Variants in TLN1 observed in about 807,000 individuals in gnomAD.
The protein encoded by TLN1 is talin 1, also known as talin-1.
A neutral mutation model predicts 292.3 loss-of-function variants in TLN1; 56 were observed. The observed-to-expected ratio is 0.19, with a 90% confidence interval of 0.15 to 0.24. The LOEUF (loss-of-function observed/expected upper bound fraction) is 0.24, where lower values mean the gene tolerates loss of function less well. Among genes scored for constraint, TLN1 ranks in the 10% least tolerant of loss-of-function variants. The pLI, the probability that TLN1 is intolerant of heterozygous loss-of-function variation, is 1.00. For synonymous variants in TLN1, 1,119 were observed against 1,253.7 expected, an observed-to-expected ratio of 0.89 and a Z score of 2.27; for missense variants, 2,433 against 3,248.2, an observed-to-expected ratio of 0.75 and a Z score of 6.10.
At position 35,711,269 on chromosome 9, in the gene TLN1, C is replaced by T. The variant is rs1177478982; in HGVS notation, c.4005G>A (p.Leu1335=). ...DPAAPNLKSQ[L]AAAARAVTDS... ...CAACTACTTACCTGGCAGCTGCAGC[C>T]AGCTGACTCTTGAGGTTAGGGGCAG... Residue 1335 remains leucine (L), a synonymous_variant, in exon 30 of 57, where the codon CTG becomes CTA. Coordinates refer to ENST00000314888, the MANE Select transcript of TLN1 (RefSeq NM_006289.4). 9 of 1,614,160 alleles carry T rather than the reference C, an allele frequency of 5.6e-6. No individual in the cohort carries two copies. Among genetic ancestry groups the T allele is most frequent in the Non-Finnish European group, 7.6e-6 (9 of 1,180,042 alleles).
chr9:35,724,482 G>A lies in TLN1; in HGVS notation c.511+90C>T, dbSNP rs548775752. The stretch of plus-strand genomic sequence containing the variant: ...TGTTTTCTCACTGATGTATCCCCAG[G>A]GTGTAAAACAGTGCCTGGCAGAAGC... On this transcript the variant is annotated intron_variant, in intron 5 of 56. Transcript: ENST00000314888. This position sits in a 1 kb window ranked among gnomAD's most constrained non-coding sequence, Gnocchi z 4.7. The A allele has an allele frequency of 8.3e-6, 13 of 1,564,188 alleles. No individual in the cohort carries two copies. Among genetic ancestry groups the A allele is most frequent in the Middle Eastern group, 1.7e-4 (1 of 5,830 alleles).
chr9:35,703,965 C>T (rs370459836), intron 46 of TLN1, 26 bp downstream of exon 46: 27 of 1,612,310 alleles, frequency 1.7e-5, no homozygotes, highest in African/African-American at 9.3e-5. Flanking sequence ...TGATTCCAGC[C>T]GGAATTAGGG....
At position 35,714,531 on chromosome 9, in the gene TLN1, G is replaced by A. The variant is rs1011741658; in HGVS notation, c.2985+43C>T. 3.1e-6 allele frequency: 5 copies of A among 1,597,504 alleles called. No individual in the cohort carries two copies. The highest frequency in any genetic ancestry group is 4.3e-6 in the Non-Finnish European group (5 of 1,176,296). ...ACTGTGGGAGATGGAAGCTTAGAAA[G>A]GTGGGAAGGTCAGGTCAGAGAAGTG... On this transcript the variant is annotated intron_variant, in intron 23 of 56. Transcript: ENST00000314888. This position sits in a 1 kb window ranked among gnomAD's most constrained non-coding sequence, Gnocchi z 4.6.
chr9:35,704,044 C>T lies in TLN1; in HGVS notation c.6178G>A (p.Asp2060Asn). 1.9e-6 allele frequency: 3 copies of T among 1,613,936 alleles called. No homozygotes were observed. Among genetic ancestry groups the T allele is most frequent in the Non-Finnish European group, 2.5e-6 (3 of 1,179,922 alleles). The stretch of plus-strand genomic sequence containing the variant: ...CTGGCTGCACCCAGCTTGACCACAT[C>T]AGCGAGGCGGGTGATGGTCGCCACG... The part of the protein sequence containing the change: ...SSVATITRLA[D>N]VVKLGAASLG... Residue 2060 changes from aspartate (D) to asparagine (N), a missense_variant, in exon 46 of 57, where the codon GAT (aspartate) becomes AAT (asparagine). Asp to Asn is a conservative substitution (Grantham distance 23, BLOSUM62 1). Transcript: ENST00000314888. This position sits in a 1 kb window ranked among gnomAD's most constrained non-coding sequence, Gnocchi z 6.9.
rs1417288504 is a variant in TLN1, at chr9:35,707,552, T to C, written c.4633-64A>G. ...GTCATAGGGGGTATAGGAAGTGAAG[T>C]CCAGGTCTCCTTCCTGGGACTTACA... On this transcript the variant is annotated intron_variant, in intron 35 of 56. Transcript: ENST00000314888. The surrounding 1 kb of genome is among the most constrained non-coding windows in gnomAD (Gnocchi z 5.6). 37 of 1,592,390 alleles carry C rather than the reference T, an allele frequency of 2.3e-5. No homozygotes were observed. The highest frequency in any genetic ancestry group is 3.1e-5 in the Non-Finnish European group (36 of 1,165,740).
In TLN1 at chr9:35,719,455, C is replaced by T; in HGVS notation, c.1687+64G>A. On this transcript the variant is annotated intron_variant, in intron 15 of 56. Coordinates refer to ENST00000314888, the MANE Select transcript of TLN1 (RefSeq NM_006289.4). This position sits in a 1 kb window ranked among gnomAD's most constrained non-coding sequence, Gnocchi z 4.6. The stretch of plus-strand genomic sequence containing the variant: ...AGTCACACATGAAGCCAGTCACATG[C>T]ATGCCTGTGCACACTTGCACCCCCT... The T allele has an allele frequency of 2.8e-6, 4 of 1,451,828 alleles. No individual in the cohort carries two copies. Among genetic ancestry groups the T allele is most frequent in the Non-Finnish European group, 3.9e-6 (4 of 1,033,536 alleles). The allele number at this position is 1,451,828 out of a possible 1,614,324, so 89.9% of individuals were successfully genotyped here. A position where few individuals can be genotyped will look rare whatever the true frequency, so the allele number is the denominator to read the frequency against.
Position 35,719,315 on chromosome 9 carries a change from G to T in TLN1, c.1688-33C>A. On this transcript the variant is annotated intron_variant, in intron 15 of 56. Transcript: ENST00000314888. This position sits in a 1 kb window ranked among gnomAD's most constrained non-coding sequence, Gnocchi z 4.6. ...GAAAAGGAGAAAGAGGAACATGAGAGACAGGGCAGGCCAGACGAAGGGCTG... is the reference window on the plus strand; with the variant it reads ...GAAAAGGAGAAAGAGGAACATGAGATACAGGGCAGGCCAGACGAAGGGCTG... The T allele has an allele frequency of 6.3e-7, 1 of 1,597,446 alleles. No individual in the cohort carries two copies. The highest frequency in any genetic ancestry group is 8.6e-7 in the Non-Finnish European group (1 of 1,168,518).
intron 1 of TLN1, among the ~76,000 whole-genome samples, chr9:35,729,863 T>C (rs746280606): frequency 8.6e-5 from 13 of 151,150 alleles, no homozygotes; most frequent in Non-Finnish European, 1.8e-4. Context: ...GTGGTTAGGC[T>C]GTGGGGAAAA....
At position 35,707,819 on chromosome 9, in the gene TLN1, C is replaced by G; in HGVS notation, c.4544G>C (p.Arg1515Pro). The G allele has an allele frequency of 1.2e-6, 2 of 1,614,046 alleles. No individual in the cohort carries two copies. Among genetic ancestry groups the G allele is most frequent in the Non-Finnish European group, 1.7e-6 (2 of 1,180,014 alleles). The change falls in exon 35 of 57, where the codon CGT (arginine) becomes CCT (proline). Residue 1515 changes from arginine (R) to proline (P), a missense_variant. This residue lies in a region of TLN1 where 1,384 missense variants were observed against 1,699.6 expected (regional missense o/e 0.81). Transcript: ENST00000314888. The surrounding 1 kb of genome is among the most constrained non-coding windows in gnomAD (Gnocchi z 5.6). ...GCGCTTGGCAGTAGGATTGGTGGTA[C>G]GGGCAGAAGCCAGGCGACAGCTGTT... ...LCNSCRLASA[R>P]TTNPTAKRQF...
chr9:35,723,468 A>AC (rs1825914278), intron 7 of TLN1: 1 of 184,542 alleles, frequency 5.4e-6, no homozygotes, highest in African/African-American at 2.4e-5. Context: ...AAATTAAGTT[A>AC]GAGGCTCAGT....
chr9:35,702,918 G>A (rs1351709519), intron 48 of TLN1, among the ~76,000 whole-genome samples: 2 of 152,236 alleles, frequency 1.3e-5, no homozygotes, highest in Non-Finnish European at 2.9e-5. Flanking sequence ...CAACTAAGAA[G>A]AGGCCACTAG....
At position 35,697,762 on chromosome 9, in the gene TLN1, C is replaced by G. The variant is rs376223477; in HGVS notation, c.*29G>C. 281 of 1,611,882 alleles carry G rather than the reference C, an allele frequency of 1.7e-4. 4 individuals carry two copies. In the African/African-American group the frequency reaches 3.3e-3, roughly 19 times the overall value. ...GTAGTGGCACGCACAGTCTCTGGGC[C>G]GGGTCTGCATTAAATAGAAGAGGCT... On this transcript the variant is annotated 3_prime_UTR_variant, in exon 57 of 57. Transcript: ENST00000314888.
chr9:35,723,746 G>A (rs1825918588), intron 7 of TLN1: 1 of 667,770 alleles, frequency 1.5e-6, no homozygotes, highest in South Asian at 2.0e-5. Flanking sequence ...GGGGGTAGGG[G>A]CAGAGATACT....
In TLN1 at chr9:35,706,783, C is replaced by G. The variant is rs1445502263; in HGVS notation, c.5073G>C (p.Glu1691Asp). The change falls in exon 38 of 57, where the codon GAG (glutamate) becomes GAC (aspartate). Residue 1691 changes from glutamate (E) to aspartate (D), a missense_variant. By Grantham distance (45) the Glu-to-Asp change is conservative. Transcript: ENST00000314888. The surrounding 1 kb of genome is among the most constrained non-coding windows in gnomAD (Gnocchi z 4.2). ...TCCCTCTCACCTCTTGAGAGATTCC[C>G]TCACGGGGAGCAAGCTGCTGGCTGA... ...AAVSQQLAPREGISQEALHTQ... is the reference protein window; with the variant it reads ...AAVSQQLAPRDGISQEALHTQ... 1.1e-5 allele frequency: 18 copies of G among 1,613,896 alleles called. No homozygotes were observed. Among genetic ancestry groups the G allele is most frequent in the Non-Finnish European group, 1.4e-5 (17 of 1,180,006 alleles).
At chr9:35,722,953 T>C (rs767546678) in intron 7 of TLN1, 32 bp from the exon 8 acceptor site, 5 of 1,607,476 alleles carry the variant, frequency 3.1e-6, no homozygotes, top group Non-Finnish European at 4.3e-6. Context: ...CAGCATGTGG[T>C]AGACAGCATC....
intron 48 of TLN1, 27 bp downstream of exon 48, chr9:35,703,533 T>G (rs1420500794): frequency 6.2e-7 from 1 of 1,600,248 alleles, no homozygotes; most frequent in African/African-American, 1.3e-5. Flanking sequence ...CTGACCCTAG[T>G]CACTGATGCC....
chr9:35,731,895 AG>A (rs1826087343), intron 1 of TLN1, among the ~76,000 whole-genome samples, 179 bp downstream of exon 1: 1 of 151,924 alleles, frequency 6.6e-6, no homozygotes, highest in Middle Eastern at 3.2e-3. Context: ...CTCCCAGGAA[AG>A]GCCTGTCTTC....
At position 35,707,808 on chromosome 9, in the gene TLN1, G is replaced by T; in HGVS notation, c.4555C>A (p.Pro1519Thr). The change falls in exon 35 of 57, where the codon CCT (proline) becomes ACT (threonine). Residue 1519 changes from proline (P) to threonine (T), a missense_variant. Pro to Thr is a conservative substitution (Grantham distance 38). Coordinates refer to ENST00000314888, the MANE Select transcript of TLN1 (RefSeq NM_006289.4). This position sits in a 1 kb window ranked among gnomAD's most constrained non-coding sequence, Gnocchi z 5.6. ...TGTACAAACTGGCGCTTGGCAGTAG[G>T]ATTGGTGGTACGGGCAGAAGCCAGG... ...CRLASARTTN[P>T]TAKRQFVQSA... 4 of 1,614,192 alleles carry T rather than the reference G, an allele frequency of 2.5e-6. No individual in the cohort carries two copies. Among genetic ancestry groups the T allele is most frequent in the Non-Finnish European group, 3.4e-6 (4 of 1,180,034 alleles).
rs746311571 is a variant in TLN1 at position 35,713,998 on chromosome 9, C to T, written c.3204G>A (p.Lys1068=). Residue 1068 remains lysine, a synonymous_variant, in exon 25 of 57, where the codon AAG becomes AAA. Transcript: ENST00000314888. ...QNLEKDLQEV[K]AAARDGKLKP... ...TAAGCTTGCCATCTCGAGCTGCTGCCTTCACTTCCTGTAGATCTTTCTCTA... is the reference window on the plus strand; with the variant it reads ...TAAGCTTGCCATCTCGAGCTGCTGCTTTCACTTCCTGTAGATCTTTCTCTA... 8 of 1,614,074 alleles carry T rather than the reference C, an allele frequency of 5.0e-6. No individual in the cohort carries two copies. The highest frequency in any genetic ancestry group is 1.3e-5 in the African/African-American group (1 of 74,934).
Sources: gnomAD v4.1 joint callset for allele counts (sites outside exome capture counted in the v4.1 genomes callset) on GRCh38, gnomAD v4.1.1 for gene constraint, gnomAD v4.1.1 regional missense constraint, Gnocchi (gnomAD v3.1) non-coding constraint, MANE v1.5 for transcripts, NCBI Gene and HGNC (gene_info 2026-07-23, HGNC 2026-07-21) for gene names.